ENOX1: variants seen among roughly 807,000 people sequenced by gnomAD.
The protein encoded by ENOX1 is candidate growth-related and time keeping constitutive hydroquinone (NADH) oxidase.
ENOX1 carries 42 observed loss-of-function variants against 82.5 expected under a neutral mutation model. The observed-to-expected ratio is 0.51, with a 90% CI of 0.40 to 0.66. ENOX1 has a LOEUF of 0.66. Ranked by LOEUF, ENOX1 falls within the 30% of genes least tolerant of loss-of-function variation. ENOX1 has a pLI of 0.00. For missense variants in ENOX1, 608 were observed against 811.6 expected (o/e 0.75, Z 3.05); for synonymous variants, 271 against 282.2 (o/e 0.96, Z 0.40).
At chr13:43,603,527 TC>T (rs1366806794) in intron 2 of ENOX1, among the ~76,000 whole-genome samples, 3 of 140,972 alleles carry the variant, frequency 2.1e-5, no homozygotes, top group African/African-American at 8.6e-5. Context: ...CCTAATGCTA[TC>T]CCTCCCCCCT....
At chr13:43,326,023 C>A (rs775702271) in intron 10 of ENOX1, among the ~76,000 whole-genome samples, 1 of 151,744 alleles carries the variant, frequency 6.6e-6, no homozygotes, top group African/African-American at 2.4e-5. Context: ...GACGGAAAGG[C>A]GTACTTGTCC....
Position 43,603,377 on chromosome 13 carries a change from A to ATTTAT in ENOX1, c.-219+64097_-219+64101dup, listed in dbSNP as rs577459575. 8.0e-4 allele frequency among the ~76,000 whole-genome samples: 44 copies of ATTTAT among 54,728 alleles called. 1 individual carries two copies. In the South Asian group the frequency reaches 0.026, roughly 32 times the overall value. The allele number at this position is 54,728 out of a possible 152,430, so 35.9% of individuals were successfully genotyped here. A position where few individuals can be genotyped will look rare whatever the true frequency, so the allele number is the denominator to read the frequency against. ...GCTTTTTTTTCCTTTTATTTATTTT[A>ATTTAT]TTTATTTATTTATTTTATTATTATT... On this transcript the variant is annotated intron_variant, in intron 2 of 16. Coordinates refer to ENST00000690772, the MANE Select transcript of ENOX1 (RefSeq NM_001347969.2).
chr13:43,467,396 G>GAACC (rs2057778089), intron 3 of ENOX1, among the ~76,000 whole-genome samples: 1 of 152,194 alleles, frequency 6.6e-6, no homozygotes, highest in Non-Finnish European at 1.5e-5. Context: ...AAGTGGGTAT[G>GAACC]AAGTGGTACC....
chr13:43,691,208 T>A (rs148843317), intron 1 of ENOX1, among the ~76,000 whole-genome samples: 27 of 152,166 alleles, frequency 1.8e-4, no homozygotes, highest in African/African-American at 6.5e-4. Context: ...CACCTTTCAC[T>A]CTCCCATCAG....
intron 3 of ENOX1, among the ~76,000 whole-genome samples, chr13:43,435,537 G>T (rs958646302): frequency 6.6e-6 from 1 of 152,076 alleles, no homozygotes; most frequent in East Asian, 1.9e-4. Flanking sequence ...ATGGTGCCTG[G>T]GTCTTTTGAA....
chr13:43,350,187 C>T (rs557048240), intron 8 of ENOX1, among the ~76,000 whole-genome samples: 76 of 152,318 alleles, frequency 5.0e-4, no homozygotes, highest in Non-Finnish European at 8.4e-4. Context: ...AAAGCGAATT[C>T]TCCTTCGAAA....
chr13:43,539,325 A>G, intron 2 of ENOX1, among the ~76,000 whole-genome samples: 1 of 152,186 alleles, frequency 6.6e-6, no homozygotes, highest in Non-Finnish European at 1.5e-5. Context: ...CATTTTCCTC[A>G]AAGATGGCAT....
At chr13:43,540,102 C>T (rs971979305) in intron 2 of ENOX1, among the ~76,000 whole-genome samples, 1 of 152,168 alleles carries the variant, frequency 6.6e-6, no homozygotes, top group Non-Finnish European at 1.5e-5. Flanking sequence ...TCCAGTCTTA[C>T]AGTCTTGTCC....
intron 3 of ENOX1, among the ~76,000 whole-genome samples, chr13:43,464,361 T>C (rs928154485): frequency 6.6e-6 from 1 of 152,010 alleles, no homozygotes; most frequent in Non-Finnish European, 1.5e-5. Flanking sequence ...AGAAGATATG[T>C]TGAGGAGCTT....
At chr13:43,643,312 C>T (rs36107949) in intron 2 of ENOX1, among the ~76,000 whole-genome samples, 11,383 of 152,182 alleles carry the variant, frequency 0.075, 581 homozygotes, top group East Asian at 0.27. Flanking sequence ...TCAGTTTAGT[C>T]ATGACAGATC....
At chr13:43,589,319 T>C (rs1414590847) in intron 2 of ENOX1, among the ~76,000 whole-genome samples, 2 of 149,324 alleles carry the variant, frequency 1.3e-5, no homozygotes, top group African/African-American at 2.5e-5. Context: ...TCACCCTCAG[T>C]GAAAGAGAGC....
chr13:43,349,379 G>A (rs143499612), intron 8 of ENOX1, among the ~76,000 whole-genome samples: 11 of 152,290 alleles, frequency 7.2e-5, no homozygotes, highest in East Asian at 3.9e-4. Flanking sequence ...TTCTGGGAAC[G>A]TAATTGCTCT....
chr13:43,249,487 G>A (rs555653106), intron 14 of ENOX1, among the ~76,000 whole-genome samples: 7 of 152,126 alleles, frequency 4.6e-5, no homozygotes, highest in Non-Finnish European at 7.4e-5. Context: ...AGAATTAGTC[G>A]GTTTGATTTA....
At chr13:43,234,396 G>T (rs2042424228) in intron 15 of ENOX1, among the ~76,000 whole-genome samples, 1 of 152,122 alleles carries the variant, frequency 6.6e-6, no homozygotes, top group African/African-American at 2.4e-5. Flanking sequence ...GCAAGGTAAT[G>T]GATAACTGAA....
chr13:43,617,985 G>A (rs1189448642), intron 2 of ENOX1, among the ~76,000 whole-genome samples: 1 of 152,166 alleles, frequency 6.6e-6, no homozygotes, highest in East Asian at 1.9e-4. Context: ...CTGCTCATTA[G>A]TGATGTTAGG....
At chr13:43,430,843 T>C (rs889666162) in intron 3 of ENOX1, among the ~76,000 whole-genome samples, 2 of 152,246 alleles carry the variant, frequency 1.3e-5, no homozygotes, top group African/African-American at 4.8e-5. Flanking sequence ...TTTCGTTTTA[T>C]TTAAATACCA....
At chr13:43,766,935 C>G (rs1951311988) in intron 1 of ENOX1, among the ~76,000 whole-genome samples, 1 of 148,364 alleles carries the variant, frequency 6.7e-6, no homozygotes, top group Non-Finnish European at 1.5e-5. Flanking sequence ...TTCACGCTCT[C>G]ATGGTGCCAA....
intron 9 of ENOX1, 116 bp downstream of exon 9, chr13:43,344,422 T>C: frequency 1.2e-6 from 1 of 824,974 alleles, no homozygotes; most frequent in Non-Finnish European, 1.9e-6. Context: ...TGCCATTCAA[T>C]ATGGAGTAAA....
intron 2 of ENOX1, among the ~76,000 whole-genome samples, chr13:43,537,395 G>A (rs562205104): frequency 6.6e-6 from 1 of 152,310 alleles, no homozygotes; most frequent in South Asian, 2.1e-4. Flanking sequence ...CTCATTCACA[G>A]AATGTATGTG....
Sources: allele counts gnomAD v4.1 joint callset (sites outside exome capture counted in the v4.1 genomes callset), GRCh38; gene constraint gnomAD v4.1.1; transcripts MANE v1.5; gene names NCBI Gene and HGNC (gene_info 2026-07-23, HGNC 2026-07-21).